PTPRD: variants seen among roughly 807,000 people sequenced by gnomAD.
PTPRD encodes the protein receptor-type tyrosine-protein phosphatase delta.
A neutral mutation model predicts 214.5 loss-of-function variants in PTPRD; 34 were observed. The observed-to-expected ratio is 0.16, with a 90% confidence interval of 0.12 to 0.21. PTPRD has a LOEUF of 0.21. Ranked by LOEUF, PTPRD falls within the 10% of genes least tolerant of loss-of-function variation. PTPRD has a pLI of 1.00. For synonymous variants in PTPRD, 1,128 were observed against 845.7 expected (o/e 1.33, Z -5.79); for missense variants, 2,545 against 2,398.7 (o/e 1.06, Z -1.27).
At chr9:9,968,559 G>C (rs2094868894) in intron 4 of PTPRD, among the ~76,000 whole-genome samples, 1 of 152,146 alleles carries the variant, frequency 6.6e-6, no homozygotes, top group Non-Finnish European at 1.5e-5. Context: ...CTTTGGGAGA[G>C]AAGCAGAGAG....
chr9:9,328,690 C>T (rs1198190719), intron 9 of PTPRD, among the ~76,000 whole-genome samples: 3 of 117,670 alleles, frequency 2.5e-5, no homozygotes, highest in Admixed American at 1.2e-4. Flanking sequence ...CAGGCTGGAG[C>T]GCACGGCATG....
chr9:8,723,827 G>C (rs190063698), intron 12 of PTPRD, among the ~76,000 whole-genome samples: 2 of 152,032 alleles, frequency 1.3e-5, no homozygotes, highest in Non-Finnish European at 2.9e-5. Context: ...TAGTAGATTT[G>C]TTATACTTTC....
chr9:8,516,464 G>A (rs551838122), intron 21 of PTPRD, among the ~76,000 whole-genome samples: 35 of 152,230 alleles, frequency 2.3e-4, no homozygotes, highest in Non-Finnish European at 4.3e-4. Context: ...TAATATAAAT[G>A]TGCTCTGAGA....
At chr9:9,399,107 C>T (rs1462370820) in intron 8 of PTPRD, among the ~76,000 whole-genome samples, 3 of 151,946 alleles carry the variant, frequency 2.0e-5, no homozygotes, top group Admixed American at 6.6e-5. Context: ...AATTATAAAT[C>T]CACTATTCTG....
chr9:8,389,222 T>C lies in PTPRD; in HGVS notation c.4386+10A>G, dbSNP rs2135631887. 1.3e-6 allele frequency: 2 copies of C among 1,599,764 alleles called. No homozygotes were observed. The highest frequency in any genetic ancestry group is 1.7e-6 in the Non-Finnish European group (2 of 1,173,808). ...TTTTTAAAAGGAAAGAGGTGGATAC[T>C]TATTCTTACCCTTGATCTTTCTTCT... is the stretch of plus-strand genomic sequence containing the variant. On this transcript the variant is annotated intron_variant, in intron 37 of 45. Coordinates refer to ENST00000381196, the MANE Select transcript of PTPRD (RefSeq NM_002839.4).
At chr9:10,261,764 T>C (rs1293471531) in intron 3 of PTPRD, among the ~76,000 whole-genome samples, 1 of 152,052 alleles carries the variant, frequency 6.6e-6, no homozygotes, top group African/African-American at 2.4e-5. Flanking sequence ...AGCTCTCTTA[T>C]AAAAAGTGAT....
intron 14 of PTPRD, among the ~76,000 whole-genome samples, chr9:8,532,195 T>G (rs940491254): frequency 6.6e-6 from 1 of 152,102 alleles, no homozygotes; most frequent in African/African-American, 2.4e-5. Flanking sequence ...CCAGAGCTGT[T>G]ACACGTTGAC....
At chr9:9,888,426 A>G (rs987919905) in intron 5 of PTPRD, among the ~76,000 whole-genome samples, 1 of 151,908 alleles carries the variant, frequency 6.6e-6, no homozygotes, top group South Asian at 2.1e-4. Context: ...TCATGTGAAA[A>G]TCTCATCTTC....
intron 39 of PTPRD, among the ~76,000 whole-genome samples, chr9:8,357,799 T>A (rs2077351889): frequency 6.6e-6 from 1 of 152,144 alleles, no homozygotes; most frequent in African/African-American, 2.4e-5. Flanking sequence ...TACATTTCCA[T>A]TAATACTAGG....
intron 4 of PTPRD, among the ~76,000 whole-genome samples, chr9:9,958,843 G>A (rs983000015): frequency 1.8e-4 from 28 of 152,140 alleles, no homozygotes; most frequent in African/African-American, 6.5e-4. Context: ...CCTATTAGAA[G>A]GGTGAAAACT....
At chr9:8,557,225 T>C (rs1564321401) in intron 14 of PTPRD, among the ~76,000 whole-genome samples, 1 of 151,862 alleles carries the variant, frequency 6.6e-6, no homozygotes, top group East Asian at 1.9e-4. Context: ...CATTGAAGAT[T>C]ACTCAGTGGT....
chr9:9,175,622 C>CAAAAAA (rs55707715), intron 10 of PTPRD, among the ~76,000 whole-genome samples: 5 of 45,270 alleles, frequency 1.1e-4, no homozygotes, highest in African/African-American at 4.4e-4. Context: ...GACTCTGTCT[C>CAAAAAA]AAAAAAAAAA....
At chr9:10,236,715 C>T (rs1196506309) in intron 3 of PTPRD, among the ~76,000 whole-genome samples, 1 of 151,918 alleles carries the variant, frequency 6.6e-6, no homozygotes, top group Non-Finnish European at 1.5e-5. Context: ...TCAACTATGA[C>T]ATCTCTCAAA....
chr9:9,419,394 G>A (rs1024543969), intron 8 of PTPRD, among the ~76,000 whole-genome samples: 7 of 151,618 alleles, frequency 4.6e-5, no homozygotes, highest in African/African-American at 1.7e-4. Flanking sequence ...TAGAAATACT[G>A]TAGGGTTATA....
intron 6 of PTPRD, among the ~76,000 whole-genome samples, chr9:9,741,540 T>C (rs1596466598): frequency 6.6e-6 from 1 of 152,102 alleles, no homozygotes; most frequent in African/African-American, 2.4e-5. Flanking sequence ...TGTGCCATGG[T>C]GGTTTGCTGC....
rs185178397 is a variant in PTPRD, at chr9:9,001,002, G to A, written c.-104+17695C>T. 1.4e-3 allele frequency among the ~76,000 whole-genome samples: 215 copies of A among 151,908 alleles called. 1 individual carries two copies. Among genetic ancestry groups the A allele is most frequent in the Middle Eastern group, 6.8e-3 (2 of 294 alleles). ...ACAGCCAGCAAATGACCCATCCATCGAACAGCCATGATTATCCTGCCTTCC... is the reference window on the plus strand; with the variant it reads ...ACAGCCAGCAAATGACCCATCCATCAAACAGCCATGATTATCCTGCCTTCC... On this transcript the variant is annotated intron_variant, in intron 11 of 45. Transcript: ENST00000381196.
intron 11 of PTPRD, among the ~76,000 whole-genome samples, chr9:8,852,502 G>C (rs1204857993): frequency 2.6e-5 from 4 of 152,186 alleles, no homozygotes; most frequent in African/African-American, 9.7e-5. Flanking sequence ...TGCTGGAGGA[G>C]CCAAAGTGGG....
intron 12 of PTPRD, among the ~76,000 whole-genome samples, chr9:8,688,555 ACT>A (rs1445231304): frequency 6.8e-6 from 1 of 147,442 alleles, no homozygotes; most frequent in African/African-American, 2.5e-5. Context: ...ATAGAGCGAG[ACT>A]CTGTCTCAAA....
chr9:10,516,678 T>A (rs1255024482), intron 2 of PTPRD, among the ~76,000 whole-genome samples: 1 of 152,006 alleles, frequency 6.6e-6, no homozygotes, highest in Non-Finnish European at 1.5e-5. Flanking sequence ...TTACTCTGTG[T>A]TTTCTTTTAG....
Sources: allele counts gnomAD v4.1 joint callset (sites outside exome capture counted in the v4.1 genomes callset), GRCh38; gene constraint gnomAD v4.1.1; transcripts MANE v1.5; gene names NCBI Gene and HGNC (gene_info 2026-07-23, HGNC 2026-07-21).